Variants in EIF4G3 observed in about 807,000 individuals in gnomAD.
EIF4G3 encodes eIF-4-gamma 3.
A neutral mutation model predicts 186.4 loss-of-function variants in EIF4G3; 34 were observed. The ratio of observed to expected loss-of-function variants is 0.18; its 90% CI spans 0.14 to 0.24. The LOEUF (loss-of-function observed/expected upper bound fraction) is 0.24, where lower values mean the gene tolerates loss of function less well. Among genes scored for constraint, EIF4G3 ranks in the 10% least tolerant of loss-of-function variants. The pLI is 1.00. For missense variants in EIF4G3, 1,536 were observed against 1,948.5 expected (o/e 0.79, Z 3.99); for synonymous variants, 673 against 679.5 (o/e 0.99, Z 0.15).
chr1:20,911,982 G>A lies in EIF4G3; in HGVS notation c.1664-7011C>T, dbSNP rs569471981. Reference sequence around the variant, plus strand: ...ACTGCACTCCAGCCTGGATGACAGAGTGAGGCTCTGTCTCTAAAAAAATAA... The same window carrying A: ...ACTGCACTCCAGCCTGGATGACAGAATGAGGCTCTGTCTCTAAAAAAATAA... On this transcript the variant is annotated intron_variant, in intron 14 of 36. Coordinates refer to ENST00000602326, the MANE Select transcript of EIF4G3 (RefSeq NM_001391906.1). Among the ~76,000 whole-genome samples the A allele has an allele frequency of 2.0e-5, 3 of 152,252 alleles. No homozygotes were observed. In the South Asian group the frequency reaches 6.2e-4, roughly 32 times the overall value.
At chr1:20,962,604 G>T (rs942932795) in intron 12 of EIF4G3, among the ~76,000 whole-genome samples, 1 of 152,132 alleles carries the variant, frequency 6.6e-6, no homozygotes, top group African/African-American at 2.4e-5. Flanking sequence ...AGTACTGCCA[G>T]CATCACTGGT....
intron 19 of EIF4G3, among the ~76,000 whole-genome samples, chr1:20,883,415 G>A (rs902229355): frequency 2.0e-5 from 3 of 152,024 alleles, no homozygotes; most frequent in African/African-American, 7.2e-5. Context: ...TCAGGAGATA[G>A]AGACCATCCT....
intron 4 of EIF4G3, among the ~76,000 whole-genome samples, chr1:21,008,209 A>G (rs1486885067): frequency 6.6e-6 from 1 of 152,264 alleles, no homozygotes; most frequent in Admixed American, 6.5e-5. Flanking sequence ...ATAGAGTTCT[A>G]AATAATTTTT....
At chr1:21,053,109 C>T (rs1235610019) in intron 3 of EIF4G3, among the ~76,000 whole-genome samples, 613 of 151,876 alleles carry the variant, frequency 4.0e-3, no homozygotes, top group Middle Eastern at 0.014. Flanking sequence ...CGTCTCTGCC[C>T]GGCCGCCATC....
intron 6 of EIF4G3, chr1:20,999,278 G>A (rs1376028867): frequency 9.6e-6 from 3 of 313,282 alleles, no homozygotes; most frequent in Admixed American, 4.0e-5. Flanking sequence ...TACAGTTCTT[G>A]CAGAAAATTT....
rs2076231128 is a variant in EIF4G3 at position 20,973,180 on chromosome 1, C to T, written c.494-81G>A. 24 of 1,025,480 alleles carry T rather than the reference C, an allele frequency of 2.3e-5. No homozygotes were observed. In the South Asian group the frequency reaches 3.3e-4, roughly 14 times the overall value. 63.5% of individuals were successfully genotyped at this position (1,025,480 alleles called of 1,614,324 possible). On this transcript the variant is annotated intron_variant, in intron 10 of 36. Coordinates refer to ENST00000602326, the MANE Select transcript of EIF4G3 (RefSeq NM_001391906.1). ...AACTAGCAATGACACTGTGTCTCTG[C>T]ACAATCCCCTTAAAAGGGTAAAAAC... is the stretch of plus-strand genomic sequence containing the variant.
chr1:21,081,199 G>A (rs947022504), intron 3 of EIF4G3, among the ~76,000 whole-genome samples: 8 of 152,306 alleles, frequency 5.3e-5, no homozygotes, highest in South Asian at 4.1e-4. Context: ...TTGGGAGGCC[G>A]AGGCGGGTGG....
At chr1:20,914,087 C>CA (rs2093597469) in intron 14 of EIF4G3, among the ~76,000 whole-genome samples, 1 of 151,374 alleles carries the variant, frequency 6.6e-6, no homozygotes, top group African/African-American at 2.4e-5. Context: ...GGATTACAGG[C>CA]ATGAGCCACC....
At chr1:21,099,549 G>A (rs1268075309) in intron 2 of EIF4G3, among the ~76,000 whole-genome samples, 1 of 152,230 alleles carries the variant, frequency 6.6e-6, no homozygotes, top group Non-Finnish European at 1.5e-5. Flanking sequence ...GTGAGACCCT[G>A]TCCCTGAGGG....
intron 30 of EIF4G3, among the ~76,000 whole-genome samples, chr1:20,833,224 T>C (rs1387032525): frequency 6.7e-6 from 1 of 148,432 alleles, no homozygotes; most frequent in Non-Finnish European, 1.5e-5. Context: ...TTCACGATAT[T>C]GATTCTTCCT....
intron 2 of EIF4G3, among the ~76,000 whole-genome samples, chr1:21,155,361 G>C (rs1414027364): frequency 6.6e-6 from 1 of 151,178 alleles, no homozygotes; most frequent in East Asian, 1.9e-4. Flanking sequence ...CTTTTCTTCT[G>C]CTTAAAATTT....
At chr1:20,977,475 C>T (rs2077089976) in intron 10 of EIF4G3, among the ~76,000 whole-genome samples, 1 of 152,170 alleles carries the variant, frequency 6.6e-6, no homozygotes, top group Admixed American at 6.5e-5. Context: ...GCATGAGCCA[C>T]CACACCCGGC....
At chr1:21,015,117 G>GA (rs1185518409) in intron 4 of EIF4G3, among the ~76,000 whole-genome samples, 3 of 151,512 alleles carry the variant, frequency 2.0e-5, no homozygotes, top group East Asian at 1.9e-4. Context: ...TTCTGGAGCT[G>GA]AAAAAATAAC....
intron 20 of EIF4G3, among the ~76,000 whole-genome samples, chr1:20,866,411 AT>A (rs1308428952): frequency 4.6e-5 from 7 of 152,184 alleles, no homozygotes; most frequent in Non-Finnish European, 8.8e-5. Flanking sequence ...TACACTGCAT[AT>A]TTCCTTTCAG....
intron 12 of EIF4G3, among the ~76,000 whole-genome samples, chr1:20,968,456 C>T (rs540138415): frequency 1.3e-5 from 2 of 152,284 alleles, no homozygotes; most frequent in Admixed American, 1.3e-4. Context: ...GGTGGGATTA[C>T]AGGCATGAGC....
chr1:21,165,397 A>C (rs2097840875), intron 2 of EIF4G3, among the ~76,000 whole-genome samples: 1 of 152,202 alleles, frequency 6.6e-6, no homozygotes, highest in Non-Finnish European at 1.5e-5. Context: ...TCACAGCAAC[A>C]TCATTCAGAG....
intron 24 of EIF4G3, 90 bp from the exon 25 acceptor site, chr1:20,857,587 G>C: frequency 9.4e-7 from 1 of 1,059,088 alleles, no homozygotes. Flanking sequence ...AAACCAAGGA[G>C]AAAGACAACA....
At chr1:21,170,233 CCTA>C (rs2097931354) in intron 2 of EIF4G3, among the ~76,000 whole-genome samples, 1 of 151,892 alleles carries the variant, frequency 6.6e-6, no homozygotes, top group Admixed American at 6.6e-5. Flanking sequence ...TTACAGACTG[CCTA>C]CTGTCTGTCA....
At chr1:21,168,423 G>A (rs1423185040) in intron 2 of EIF4G3, among the ~76,000 whole-genome samples, 1 of 151,294 alleles carries the variant, frequency 6.6e-6, no homozygotes, top group Admixed American at 6.6e-5. Flanking sequence ...AAAAAAAAAA[G>A]TATCTCTTTT....
Sources: gnomAD v4.1 joint callset for allele counts (sites outside exome capture counted in the v4.1 genomes callset) on GRCh38, gnomAD v4.1.1 for gene constraint, MANE v1.5 for transcripts, NCBI Gene and HGNC (gene_info 2026-07-23, HGNC 2026-07-21) for gene names.